The following LAMA3 variants were observed in gnomAD, a reference collection of about 807,000 sequenced individuals.
LAMA3 encodes laminin subunit alpha 3, also known as laminin subunit alpha-3.
A neutral mutation model predicts 402.0 loss-of-function variants in LAMA3; 281 were observed. The observed-to-expected ratio is 0.70, with a 90% CI of 0.63 to 0.77. LAMA3 has a LOEUF of 0.77. Among genes scored for constraint, LAMA3 ranks in the 30% least tolerant of loss-of-function variants. LAMA3 has a pLI of 0.00. For missense variants in LAMA3, 3,840 were observed against 4,215.5 expected (o/e 0.91, Z 2.47); for synonymous variants, 1,431 against 1,558.4 (o/e 0.92, Z 1.93).
At chr18:23,749,776 A>G (rs1338317463) in intron 4 of LAMA3, among the ~76,000 whole-genome samples, 2 of 152,178 alleles carry the variant, frequency 1.3e-5, no homozygotes, top group African/African-American at 4.8e-5. Context: ...AGGATTCTTG[A>G]TCCAAAGCCC....
At chr18:23,946,311 A>T (rs1378555951) in intron 70 of LAMA3, 27 bp downstream of exon 70, 2 of 1,610,480 alleles carry the variant, frequency 1.2e-6, no homozygotes, top group Non-Finnish European at 1.7e-6. Flanking sequence ...AGAGCCATGG[A>T]CAGAAACAAT....
At chr18:23,889,875 C>A (rs745440353) in intron 41 of LAMA3, 136 bp from the exon 42 acceptor site, 3 of 767,306 alleles carry the variant, frequency 3.9e-6, no homozygotes, top group South Asian at 1.4e-5. Flanking sequence ...GAGAAATATT[C>A]ATTCTTGCAG....
At chr18:23,806,722 C>T (rs2062969393) in intron 12 of LAMA3, among the ~76,000 whole-genome samples, 1 of 152,242 alleles carries the variant, frequency 6.6e-6, no homozygotes, top group Non-Finnish European at 1.5e-5. Flanking sequence ...TGGAATTTAA[C>T]TTGCATTGCA....
At chr18:23,912,151 T>TG (rs2081452484) in intron 55 of LAMA3, among the ~76,000 whole-genome samples, 6 of 147,354 alleles carry the variant, frequency 4.1e-5, no homozygotes, top group Admixed American at 2.0e-4. Flanking sequence ...TTTTTTTTTT[T>TG]GAGACAAAGT....
At position 23,813,084 on chromosome 18, in the gene LAMA3, G is replaced by C. The variant is rs967732649; in HGVS notation, c.1769G>C (p.Gly590Ala). 3.1e-6 allele frequency: 5 copies of C among 1,609,734 alleles called. No homozygotes were observed. Among genetic ancestry groups the C allele is most frequent in the Admixed American group, 1.7e-5 (1 of 59,984 alleles). The change falls in exon 14 of 75, where the codon GGT (glycine) becomes GCT (alanine). Residue 590 changes from glycine to alanine, a missense_variant. This residue lies in a region of LAMA3 where 2,109 missense variants were observed against 2,376.0 expected (regional missense o/e 0.89). Transcript: ENST00000313654. The part of the protein sequence containing the change: ...QGSSSACDPA[G>A]TINSNLGYCQ... ...TCCAGCAGTGCTTGTGACCCAGCTG[G>C]TACCATCAACTCCAATTTGGTAAGT... is the stretch of plus-strand genomic sequence containing the variant.
chr18:23,919,862 G>A (rs1247670182), intron 60 of LAMA3, among the ~76,000 whole-genome samples: 1 of 151,908 alleles, frequency 6.6e-6, no homozygotes, highest in Admixed American at 6.5e-5. Flanking sequence ...TGGCTGTAGG[G>A]GGGAATGGAC....
intron 66 of LAMA3, among the ~76,000 whole-genome samples, chr18:23,932,746 T>C (rs891393855): frequency 1.3e-5 from 2 of 152,204 alleles, no homozygotes; most frequent in African/African-American, 4.8e-5. Context: ...CATGCAAGTG[T>C]TTACATATTT....
chr18:23,899,669 G>GAA, intron 47 of LAMA3: 34 of 390,076 alleles, frequency 8.7e-5, no homozygotes, highest in East Asian at 1.8e-4. Context: ...ATCATGCAAA[G>GAA]AAAAAAAAAA....
At chr18:23,787,600 A>T (rs1049092426) in intron 12 of LAMA3, among the ~76,000 whole-genome samples, 1 of 152,224 alleles carries the variant, frequency 6.6e-6, no homozygotes, top group Non-Finnish European at 1.5e-5. Flanking sequence ...TTATGAACAC[A>T]GGAACACCAG....
intron 70 of LAMA3, 65 bp from the exon 71 acceptor site, chr18:23,949,700 C>T (rs2082835329): frequency 1.3e-6 from 2 of 1,545,770 alleles, no homozygotes; most frequent in South Asian, 2.2e-5. Context: ...TGCCCTTCGC[C>T]TTGGCTACCC....
At position 23,842,468 on chromosome 18, in the gene LAMA3, C is replaced by T. The variant is rs769227578; in HGVS notation, c.3410C>T (p.Ala1137Val). The change falls in exon 28 of 75, where the codon GCG becomes GTG. Residue 1137 changes from alanine to valine, a missense_variant. Around this residue, in one of 3 missense-constraint regions of LAMA3, gnomAD observed 2,109 missense variants for 2,376.0 expected, o/e 0.89. Coordinates refer to ENST00000313654, the MANE Select transcript of LAMA3 (RefSeq NM_198129.4). ...TTTGTCATCCATTTTTACCAAGCAG[C>T]GCACCCGACGTTTCCCGCGCAGGTG... ...YVFVIHFYQA[A>V]HPTFPAQVSV... The T allele has an allele frequency of 1.9e-5, 30 of 1,614,092 alleles. No homozygotes were observed. Among genetic ancestry groups the T allele is most frequent in the Middle Eastern group, 1.6e-4 (1 of 6,084 alleles).
chr18:23,859,283 GT>G (rs1568265632), intron 34 of LAMA3, among the ~76,000 whole-genome samples: 1 of 152,150 alleles, frequency 6.6e-6, no homozygotes, highest in Non-Finnish European at 1.5e-5. Context: ...AATGTGTGGG[GT>G]TTTTTCTATA....
intron 73 of LAMA3, 94 bp from the exon 74 acceptor site, chr18:23,952,896 G>A: frequency 4.5e-6 from 7 of 1,547,976 alleles, no homozygotes; most frequent in South Asian, 1.1e-5. Flanking sequence ...CACTCCCACA[G>A]GTCTAGTATG....
intron 3 of LAMA3, among the ~76,000 whole-genome samples, chr18:23,748,461 T>C (rs973601752): frequency 6.6e-6 from 1 of 151,010 alleles, no homozygotes; most frequent in African/African-American, 2.4e-5. Context: ...TCTCTCAGTA[T>C]GACTAGTTAG....
intron 49 of LAMA3, 150 bp from the exon 50 acceptor site, chr18:23,903,783 C>T (rs1599050149): frequency 1.4e-6 from 1 of 694,476 alleles, no homozygotes; most frequent in South Asian, 1.7e-5. Flanking sequence ...TCTGAAGTGA[C>T]CAAGGATTAA....
intron 8 of LAMA3, among the ~76,000 whole-genome samples, chr18:23,770,415 G>A (rs2062170281): frequency 6.6e-6 from 1 of 151,872 alleles, no homozygotes; most frequent in African/African-American, 2.4e-5. Flanking sequence ...CAAAAGATTT[G>A]AATAGCTACT....
chr18:23,873,540 A>T (rs563161161), intron 38 of LAMA3, among the ~76,000 whole-genome samples: 1 of 152,340 alleles, frequency 6.6e-6, no homozygotes, highest in South Asian at 2.1e-4. Flanking sequence ...TCCAATGCCT[A>T]TAGCTTTCCA....
chr18:23,773,623 T>C (rs1163416058), intron 9 of LAMA3, 36 bp downstream of exon 9: 1 of 1,346,728 alleles, frequency 7.4e-7, no homozygotes, highest in South Asian at 1.2e-5. Context: ...TCTTAGCCTG[T>C]GTGTACTGCC....
At chr18:23,867,154 C>T (rs2064377957) in intron 36 of LAMA3, among the ~76,000 whole-genome samples, 1 of 152,218 alleles carries the variant, frequency 6.6e-6, no homozygotes, top group Non-Finnish European at 1.5e-5. Flanking sequence ...CCCTCCCCAC[C>T]CTCCTCAGTA....
Sources: allele counts gnomAD v4.1 joint callset (sites outside exome capture counted in the v4.1 genomes callset), GRCh38; gene constraint gnomAD v4.1.1; regional missense constraint gnomAD v4.1.1; transcripts MANE v1.5; gene names NCBI Gene and HGNC (gene_info 2026-07-23, HGNC 2026-07-21).